Variants in METTL16 observed in about 807,000 individuals in gnomAD.
The protein encoded by METTL16 is RNA N(6)-adenosine-methyltransferase METTL16.
A neutral mutation model predicts 57.9 loss-of-function variants in METTL16; 19 were observed. The observed-to-expected ratio is 0.33, with a 90% CI of 0.23 to 0.48. The LOEUF is 0.48. Among genes scored for constraint, METTL16 ranks in the 20% least tolerant of loss-of-function variants. The pLI is 0.99. For synonymous variants in METTL16, 246 were observed against 255.6 expected (o/e 0.96, Z 0.36); for missense variants, 434 against 691.5 (o/e 0.63, Z 4.18).
intron 2 of METTL16, among the ~76,000 whole-genome samples, chr17:2,485,200 G>A (rs756826318): frequency 1.3e-5 from 2 of 152,168 alleles, no homozygotes; most frequent in Non-Finnish European, 2.9e-5. Flanking sequence ...CGCCGCATGC[G>A]AGGGATCTAG....
intron 2 of METTL16, among the ~76,000 whole-genome samples, chr17:2,486,178 G>A (rs2067339730): frequency 6.6e-6 from 1 of 152,084 alleles, no homozygotes; most frequent in South Asian, 2.1e-4. Flanking sequence ...ATTACGTAGG[G>A]CATTATAATT....
chr17:2,435,786 A>G (rs2066904877), intron 8 of METTL16, among the ~76,000 whole-genome samples: 1 of 138,898 alleles, frequency 7.2e-6, no homozygotes, highest in African/African-American at 2.8e-5. Flanking sequence ...GTGGGGAGGG[A>G]GGAAGACTCT....
intron 2 of METTL16, among the ~76,000 whole-genome samples, chr17:2,480,023 C>T (rs947970295): frequency 6.6e-6 from 1 of 151,786 alleles, no homozygotes; most frequent in African/African-American, 2.4e-5. Flanking sequence ...CCCAACTCTA[C>T]TAAAAATACA....
chr17:2,428,533 A>G (rs1215411634), intron 8 of METTL16, among the ~76,000 whole-genome samples: 1 of 12,852 alleles, frequency 7.8e-5, no homozygotes, highest in Non-Finnish European at 1.3e-4. Flanking sequence ...GTCTCAAAAA[A>G]AAAAAAAAAA....
Position 2,419,638 on chromosome 17 carries a change from C to G in METTL16, c.*332G>C, listed in dbSNP as rs1318078101. On this transcript the variant is annotated 3_prime_UTR_variant, in exon 10 of 10. Transcript: ENST00000263092. ...TCTAGGCAGTGCTGCCCAGCCCAGA[C>G]TCCACAAACAACCCTTCTGACCTTG... The G allele has an allele frequency of 7.6e-6, 4 of 523,114 alleles. No homozygotes were observed. Among genetic ancestry groups the G allele is most frequent in the Non-Finnish European group, 1.5e-5 (4 of 271,204 alleles). The allele number at this position is 523,114 out of a possible 1,614,324, so 32.4% of individuals were successfully genotyped here. A position where few individuals can be genotyped will look rare whatever the true frequency, so the allele number is the denominator to read the frequency against.
At chr17:2,453,380 T>G (rs2067084787) in intron 6 of METTL16, among the ~76,000 whole-genome samples, 1 of 152,232 alleles carries the variant, frequency 6.6e-6, no homozygotes, top group Non-Finnish European at 1.5e-5. Context: ...AGTCTTCTTT[T>G]ACTCTCATGA....
chr17:2,448,802 T>TAAAAAAAAAAAAAAAAAAAAA (rs71150866), intron 6 of METTL16, among the ~76,000 whole-genome samples: 5 of 43,636 alleles, frequency 1.1e-4, no homozygotes, highest in Non-Finnish European at 2.0e-4. Context: ...AAATAAAATT[T>TAAAAAAAAAAAAAAAAAAAAA]AAAAAAAAAA....
intron 2 of METTL16, among the ~76,000 whole-genome samples, chr17:2,489,537 C>A (rs978629296): frequency 1.5e-4 from 22 of 151,580 alleles, no homozygotes. Context: ...CAACTGTAAT[C>A]GCCATTTAAT....
intron 2 of METTL16, among the ~76,000 whole-genome samples, chr17:2,493,409 T>C (rs1432049844): frequency 6.7e-6 from 1 of 150,046 alleles, no homozygotes; most frequent in Non-Finnish European, 1.5e-5. Flanking sequence ...TTAATACAAC[T>C]GACAGAATTA....
chr17:2,495,453 T>C (rs2067436480), intron 2 of METTL16, among the ~76,000 whole-genome samples: 1 of 151,908 alleles, frequency 6.6e-6, no homozygotes, highest in African/African-American at 2.4e-5. Flanking sequence ...TCCCAGCACT[T>C]TGAGAGGCCA....
intron 6 of METTL16, among the ~76,000 whole-genome samples, chr17:2,448,691 T>C (rs2067036716): frequency 8.8e-6 from 1 of 113,530 alleles, no homozygotes; most frequent in East Asian, 2.3e-4. Flanking sequence ...ACTATTGTCC[T>C]ATGACCCTGC....
chr17:2,506,444 C>T (rs948653328), intron 1 of METTL16, among the ~76,000 whole-genome samples: 2 of 151,888 alleles, frequency 1.3e-5, no homozygotes, highest in Non-Finnish European at 2.9e-5. Flanking sequence ...CGCCGCCACG[C>T]CTGACTGGTT....
chr17:2,476,186 CAG>C (rs942905799), intron 3 of METTL16, among the ~76,000 whole-genome samples: 4 of 152,176 alleles, frequency 2.6e-5, no homozygotes, highest in African/African-American at 7.2e-5. Flanking sequence ...ATTAGGGAAA[CAG>C]AGTGTGGGTT....
chr17:2,425,142 C>T (rs929696959), intron 8 of METTL16, among the ~76,000 whole-genome samples: 39 of 152,292 alleles, frequency 2.6e-4, no homozygotes, highest in Middle Eastern at 6.8e-3. Flanking sequence ...AAATTCAACA[C>T]CACAGCTCTC....
chr17:2,459,517 A>T (rs1198447010), intron 6 of METTL16, among the ~76,000 whole-genome samples: 1 of 152,244 alleles, frequency 6.6e-6, no homozygotes, highest in Non-Finnish European at 1.5e-5. Flanking sequence ...ATAATGCTGC[A>T]AATTCTGCTT....
intron 1 of METTL16, among the ~76,000 whole-genome samples, chr17:2,509,245 A>G (rs1331038915): frequency 6.6e-6 from 1 of 152,244 alleles, no homozygotes; most frequent in Admixed American, 6.5e-5. Flanking sequence ...TGAGTAAACA[A>G]TTCAGAATTT....
intron 2 of METTL16, among the ~76,000 whole-genome samples, chr17:2,478,412 T>C (rs2067281805): frequency 6.6e-6 from 1 of 152,202 alleles, no homozygotes; most frequent in African/African-American, 2.4e-5. Flanking sequence ...AAATGTTTAA[T>C]ATGAACACAG....
At chr17:2,503,564 G>GTA (rs2067506199) in intron 1 of METTL16, among the ~76,000 whole-genome samples, 1 of 151,738 alleles carries the variant, frequency 6.6e-6, no homozygotes, top group African/African-American at 2.4e-5. Flanking sequence ...ATGAAATACA[G>GTA]TATATCCATA....
chr17:2,482,676 G>A (rs1271982589), intron 2 of METTL16, among the ~76,000 whole-genome samples: 1 of 152,234 alleles, frequency 6.6e-6, no homozygotes. Flanking sequence ...GGAGGCCGAG[G>A]TGGGCGGACT....
Sources: gnomAD v4.1 joint callset for allele counts (sites outside exome capture counted in the v4.1 genomes callset) on GRCh38, gnomAD v4.1.1 for gene constraint, MANE v1.5 for transcripts, NCBI Gene and HGNC (gene_info 2026-07-23, HGNC 2026-07-21) for gene names.